PVT1: variants seen among roughly 807,000 people sequenced by gnomAD.
PVT1 encodes Pvt1 oncogene.
At chr8:127,982,862 C>T (rs1203302843) in intron 3 of PVT1, among the ~76,000 whole-genome samples, 2 of 152,168 alleles carry the variant, frequency 1.3e-5, no homozygotes, top group African/African-American at 4.8e-5. Flanking sequence ...GTTTCTTGCT[C>T]CTTCTTCCTG....
chr8:127,800,751 G>A (rs955500335), intron 2 of PVT1, among the ~76,000 whole-genome samples: 45 of 152,238 alleles, frequency 3.0e-4, no homozygotes, highest in Non-Finnish European at 4.6e-4. Context: ...TGTAGATGTT[G>A]GGGATGCAGA....
intron 4 of PVT1, among the ~76,000 whole-genome samples, chr8:127,992,701 C>T (rs1330639509): frequency 6.6e-6 from 1 of 152,226 alleles, no homozygotes; most frequent in African/African-American, 2.4e-5. Flanking sequence ...GTCATTCTTG[C>T]TCACCCCTGG....
chr8:127,872,450 G>C (rs1248130018), intron 2 of PVT1, among the ~76,000 whole-genome samples: 5 of 152,070 alleles, frequency 3.3e-5, no homozygotes, highest in Admixed American at 3.3e-4. Context: ...TAATTGGATT[G>C]TTCGTAACAC....
At chr8:127,918,169 T>C (rs7000853) in intron 3 of PVT1, among the ~76,000 whole-genome samples, 31,698 of 152,162 alleles carry the variant, frequency 0.21, 3,584 homozygotes, top group Admixed American at 0.32. Flanking sequence ...CGGAATTCAG[T>C]TGGGCCAGTG....
At chr8:127,874,868 C>T (rs966089003) in intron 2 of PVT1, among the ~76,000 whole-genome samples, 7 of 151,934 alleles carry the variant, frequency 4.6e-5, no homozygotes, top group African/African-American at 1.7e-4. Context: ...TGCCACCTGG[C>T]CCTTCCCTCG....
chr8:127,987,090 TC>T (rs1816978383), intron 3 of PVT1, among the ~76,000 whole-genome samples: 2 of 152,182 alleles, frequency 1.3e-5, no homozygotes, highest in South Asian at 4.1e-4. Flanking sequence ...GTTATGTGTC[TC>T]CTGATTTCTT....
chr8:127,851,721 G>A (rs1363338579), intron 2 of PVT1, among the ~76,000 whole-genome samples: 1 of 152,138 alleles, frequency 6.6e-6, no homozygotes, highest in East Asian at 1.9e-4. Context: ...TCAGAGATGA[G>A]ACGTGAGCCA....
chr8:127,912,910 C>G (rs1055441507), intron 3 of PVT1, among the ~76,000 whole-genome samples: 1 of 152,246 alleles, frequency 6.6e-6, no homozygotes, highest in African/African-American at 2.4e-5. Flanking sequence ...GTTGGCCAGG[C>G]TGGTCTTGAA....
chr8:127,794,871 C>T (rs1053806576), intron 1 of PVT1: 1 of 152,236 alleles, frequency 6.6e-6, no homozygotes, highest in African/African-American at 2.4e-5. Context: ...GCACTGTCCT[C>T]ATCACCAGCC....
At chr8:127,856,141 A>T (rs1279325796) in intron 2 of PVT1, among the ~76,000 whole-genome samples, 1 of 152,194 alleles carries the variant, frequency 6.6e-6, no homozygotes, top group Non-Finnish European at 1.5e-5. Context: ...AAGAATTTCC[A>T]TACCTGCCCT....
intron 3 of PVT1, among the ~76,000 whole-genome samples, chr8:127,896,652 A>C (rs550934305): frequency 2.0e-5 from 3 of 151,972 alleles, no homozygotes; most frequent in South Asian, 4.2e-4. Context: ...TCTGGGGTAC[A>C]TGTGCAGGAT....
At chr8:127,993,011 C>G (rs1817061176) in intron 4 of PVT1, among the ~76,000 whole-genome samples, 1 of 152,230 alleles carries the variant, frequency 6.6e-6, no homozygotes. Context: ...CCACTCGGAA[C>G]TCTACGCTTG....
chr8:127,981,367 T>A (rs1037087077), intron 3 of PVT1, among the ~76,000 whole-genome samples: 7 of 152,148 alleles, frequency 4.6e-5, no homozygotes, highest in African/African-American at 9.7e-5. Context: ...GAGTTCGGCA[T>A]TTTTTCCTGG....
chr8:127,817,546 T>TATATATATATATATATATAC (rs1280832628), intron 2 of PVT1, among the ~76,000 whole-genome samples: 1 of 89,946 alleles, frequency 1.1e-5, no homozygotes, highest in African/African-American at 3.9e-5. Flanking sequence ...TATATATATA[T>TATATATATATATATATATAC]ACACACACAC....
intron 2 of PVT1, among the ~76,000 whole-genome samples, chr8:127,873,960 AG>A (rs1439494109): frequency 6.6e-6 from 1 of 152,268 alleles, no homozygotes; most frequent in Admixed American, 6.5e-5. Context: ...GAGCACCACT[AG>A]CTGCCAAGCA....
At chr8:127,921,854 G>GTTTTTTTGTTTTTTTTTTT (rs1816063128) in intron 3 of PVT1, among the ~76,000 whole-genome samples, 4 of 71,922 alleles carry the variant, frequency 5.6e-5, no homozygotes, top group African/African-American at 2.4e-4. Flanking sequence ...TTTGGTTCAT[G>GTTTTTTTGTTTTTTTTTTT]TTTTTTTTTT....
chr8:127,829,911 C>T (rs1814831865), intron 2 of PVT1, among the ~76,000 whole-genome samples: 1 of 152,190 alleles, frequency 6.6e-6, no homozygotes, highest in South Asian at 2.1e-4. Context: ...CTCTTCTTGC[C>T]TCCTCTTGGT....
At chr8:128,034,401 G>A (rs908290489) in intron 4 of PVT1, among the ~76,000 whole-genome samples, 1 of 152,200 alleles carries the variant, frequency 6.6e-6, no homozygotes, top group African/African-American at 2.4e-5. Context: ...CACCACCTGG[G>A]TGGAGTTGCT....
chr8:127,859,805 A>G (rs973142844), intron 2 of PVT1, among the ~76,000 whole-genome samples: 2 of 151,968 alleles, frequency 1.3e-5, no homozygotes, highest in Admixed American at 1.3e-4. Context: ...CATGGGGATG[A>G]TACCATCTAG....
Sources: gnomAD v4.1 joint callset for allele counts (sites outside exome capture counted in the v4.1 genomes callset) on GRCh38, gnomAD v4.1.1 for gene constraint, MANE v1.5 for transcripts, NCBI Gene and HGNC (gene_info 2026-07-23, HGNC 2026-07-21) for gene names.